The following TRPC5 variants were observed in gnomAD, a reference collection of about 807,000 sequenced individuals.
TRPC5 encodes transient receptor potential cation channel subfamily C member 5.
A neutral mutation model predicts 56.5 loss-of-function variants in TRPC5; 9 were observed. The observed-to-expected ratio is 0.16, with a 90% CI of 0.10 to 0.28. The LOEUF (loss-of-function observed/expected upper bound fraction) is 0.28, where lower values mean the gene tolerates loss of function less well. TRPC5 is among the 10% of genes least tolerant of loss of function. The probability of loss-of-function intolerance (pLI) is 1.00; values close to 1 mark genes in which losing one functional copy is unlikely to be tolerated. For missense variants in TRPC5, 469 were observed against 748.9 expected (o/e 0.63, Z 4.36); for synonymous variants, 282 against 278.5 (o/e 1.01, Z -0.13).
chrX:112,001,827 A>G (rs1928704614), intron 1 of TRPC5, among the ~76,000 whole-genome samples: 1 of 112,371 alleles, frequency 8.9e-6, no homozygotes, highest in Non-Finnish European at 1.9e-5. Context: ...GTTCACTGCT[A>G]TATCCTAAGC....
At chrX:111,936,669 T>A (rs1461036494) in intron 2 of TRPC5, among the ~76,000 whole-genome samples, 8 of 98,633 alleles carry the variant, frequency 8.1e-5, no homozygotes, top group Non-Finnish European at 1.6e-4. Flanking sequence ...ACAAAGGACA[T>A]GAACTCATCA....
intron 1 of TRPC5, among the ~76,000 whole-genome samples, chrX:111,982,835 G>A (rs897319248): frequency 1.8e-5 from 2 of 111,336 alleles, no homozygotes; most frequent in Non-Finnish European, 3.8e-5. Context: ...GTAATAATGA[G>A]CGATTCCACT....
At chrX:111,941,462 G>T (rs766832520) in intron 2 of TRPC5, among the ~76,000 whole-genome samples, 2 of 112,267 alleles carry the variant, frequency 1.8e-5, no homozygotes, top group East Asian at 5.6e-4. Context: ...GCCCTAGGCT[G>T]TGGGTATTGT....
chrX:111,872,326 G>C (rs1273747350), intron 3 of TRPC5, among the ~76,000 whole-genome samples: 1 of 112,009 alleles, frequency 8.9e-6, no homozygotes, highest in Non-Finnish European at 1.9e-5. Context: ...ATTCTGGAAA[G>C]GAGACTGATA....
intron 1 of TRPC5, among the ~76,000 whole-genome samples, chrX:112,011,185 G>A (rs779898025): frequency 9.0e-6 from 1 of 111,313 alleles, no homozygotes; most frequent in African/African-American, 3.3e-5. Flanking sequence ...GGCTAAGAAA[G>A]TGCCCCCCAA....
chrX:111,979,318 A>T (rs1928015522), intron 1 of TRPC5, among the ~76,000 whole-genome samples: 1 of 111,632 alleles, frequency 9.0e-6, no homozygotes, highest in Non-Finnish European at 1.9e-5. Context: ...TGCAAAACTT[A>T]ATTCAAAATG....
chrX:111,813,802 A>G (rs1403711043), intron 7 of TRPC5, among the ~76,000 whole-genome samples: 4 of 112,245 alleles, frequency 3.6e-5, no homozygotes, highest in Non-Finnish European at 7.5e-5. Context: ...GTAGTTACCT[A>G]CTTCACTTGA....
chrX:111,922,982 C>T (rs899854906), intron 2 of TRPC5, among the ~76,000 whole-genome samples: 4 of 111,327 alleles, frequency 3.6e-5, no homozygotes, highest in African/African-American at 1.3e-4. Context: ...TAGCTCTATG[C>T]TATAGGCATA....
At chrX:111,993,360 A>G (rs1928420325) in intron 1 of TRPC5, among the ~76,000 whole-genome samples, 1 of 112,047 alleles carries the variant, frequency 8.9e-6, no homozygotes, top group African/African-American at 3.2e-5. Flanking sequence ...CACAATAAAC[A>G]TATGTGTGCA....
At chrX:111,816,041 A>T (rs1016702590) in intron 7 of TRPC5, among the ~76,000 whole-genome samples, 1 of 111,330 alleles carries the variant, frequency 9.0e-6, no homozygotes, top group Non-Finnish European at 1.9e-5. Flanking sequence ...ACCCAAATAT[A>T]TGGCCTTCTA....
intron 7 of TRPC5, among the ~76,000 whole-genome samples, chrX:111,832,963 G>A (rs1355185928): frequency 9.0e-6 from 1 of 111,520 alleles, no homozygotes; most frequent in Non-Finnish European, 1.9e-5. Context: ...CAGACACCCA[G>A]TGAGAAAATT....
Position 111,817,974 on chromosome X carries a change from C to T in TRPC5, c.1896+16947G>A, listed in dbSNP as rs1448298087. Among the ~76,000 whole-genome samples, 4 of 111,397 alleles carry T rather than the reference C, an allele frequency of 3.6e-5. No homozygotes were observed. The East Asian group carries it at 1.1e-3, about 32-fold the overall frequency. On this transcript the variant is annotated intron_variant, in intron 7 of 10. Transcript: ENST00000262839. ...AGCTAGCTTGAACTTCTTTCATCCT[C>T]GCTCCCAAACACCTGTGTCTGATCT... is the stretch of plus-strand genomic sequence containing the variant.
intron 3 of TRPC5, among the ~76,000 whole-genome samples, chrX:111,873,747 G>T (rs1258684345): frequency 3.6e-5 from 4 of 110,684 alleles, no homozygotes; most frequent in African/African-American, 6.6e-5. Context: ...TCGCACCATT[G>T]CGCTGCAGCC....
chrX:111,889,117 A>G (rs1569527448), intron 3 of TRPC5, among the ~76,000 whole-genome samples: 1 of 112,133 alleles, frequency 8.9e-6, no homozygotes, highest in East Asian at 2.8e-4. Flanking sequence ...TCATCTGCCT[A>G]TAGGTGTTAT....
chrX:111,842,105 GTA>G (rs1246400460), intron 6 of TRPC5, among the ~76,000 whole-genome samples: 1 of 85,110 alleles, frequency 1.2e-5, no homozygotes, highest in Non-Finnish European at 2.0e-5. Context: ...ATGTATGTGT[GTA>G]TATATATATA....
At chrX:111,840,985 C>T (rs750638539) in intron 6 of TRPC5, among the ~76,000 whole-genome samples, 1 of 111,509 alleles carries the variant, frequency 9.0e-6, no homozygotes, top group African/African-American at 3.3e-5. Flanking sequence ...AAAGTACAAA[C>T]GAGTAGCAGC....
chrX:111,924,323 T>C (rs1458882108), intron 2 of TRPC5, among the ~76,000 whole-genome samples: 1 of 110,991 alleles, frequency 9.0e-6, no homozygotes, highest in Non-Finnish European at 1.9e-5. Flanking sequence ...AGACCTTGGG[T>C]GACAAAAATG....
At chrX:111,846,517 T>C (rs1335640927) in intron 6 of TRPC5, among the ~76,000 whole-genome samples, 2 of 111,927 alleles carry the variant, frequency 1.8e-5, no homozygotes, top group East Asian at 5.6e-4. Context: ...GACAGAATCA[T>C]GAGTTATCTC....
chrX:111,915,085 G>A (rs183871279), intron 2 of TRPC5, among the ~76,000 whole-genome samples: 11 of 107,916 alleles, frequency 1.0e-4, no homozygotes, highest in African/African-American at 2.0e-4. Context: ...CTCTCTCCCC[G>A]CCACTTCCTT....
Sources: allele counts gnomAD v4.1 joint callset (sites outside exome capture counted in the v4.1 genomes callset), GRCh38; gene constraint gnomAD v4.1.1; transcripts MANE v1.5; gene names NCBI Gene and HGNC (gene_info 2026-07-23, HGNC 2026-07-21).